The following ADSS2 variants were observed in gnomAD, a reference collection of about 807,000 sequenced individuals.
ADSS2 encodes the protein adenylosuccinate synthase 2.
A neutral mutation model predicts 60.0 loss-of-function variants in ADSS2; 30 were observed. The observed-to-expected ratio is 0.50, with a 90% CI of 0.37 to 0.68. The LOEUF is 0.68. Ranked by LOEUF, ADSS2 falls within the 30% of genes least tolerant of loss-of-function variation. The probability of loss-of-function intolerance (pLI) is 0.00; values close to 1 mark genes in which losing one functional copy is unlikely to be tolerated. For missense variants in ADSS2, 373 were observed against 554.8 expected (o/e 0.67, Z 3.29); for synonymous variants, 187 against 193.1 (o/e 0.97, Z 0.26).
At chr1:244,432,416 C>A in intron 4 of ADSS2, 129 bp downstream of exon 4, 1 of 633,128 alleles carries the variant, frequency 1.6e-6, no homozygotes, top group Non-Finnish European at 2.6e-6. Flanking sequence ...GTATTTAGAA[C>A]TCAATTACTA....
At chr1:244,435,194 A>AACAAAC (rs1553308064) in intron 3 of ADSS2, among the ~76,000 whole-genome samples, 46 of 127,906 alleles carry the variant, frequency 3.6e-4, no homozygotes, top group African/African-American at 1.4e-3. Flanking sequence ...AAAAAAAAAA[A>AACAAAC]AAACAAACCT....
chr1:244,417,770 G>A lies in ADSS2; in HGVS notation c.946-18C>T, dbSNP rs369390313. On this transcript the variant is annotated intron_variant, in intron 9 of 12. Transcript: ENST00000366535. The stretch of plus-strand genomic sequence containing the variant: ...CCAATTTCCTACAGAACAGAAAATT[G>A]AACTTTAGGATTAGAATAGCAGTGC... 6 of 1,610,392 alleles carry A rather than the reference G, an allele frequency of 3.7e-6. No individual in the cohort carries two copies. The East Asian group carries it at 1.3e-4, about 36-fold the overall frequency.
At chr1:244,414,269 C>T (rs1290885299) in intron 11 of ADSS2, among the ~76,000 whole-genome samples, 1 of 151,862 alleles carries the variant, frequency 6.6e-6, no homozygotes, top group East Asian at 1.9e-4. Context: ...AAGAGAAGCT[C>T]GAGATGGTCT....
chr1:244,429,992 A>C (rs1170737476), intron 4 of ADSS2, among the ~76,000 whole-genome samples: 1 of 152,082 alleles, frequency 6.6e-6, no homozygotes, highest in Non-Finnish European at 1.5e-5. Context: ...TTAAAGCATT[A>C]ACACACCCAT....
chr1:244,433,861 A>T (rs1371783388), intron 3 of ADSS2, among the ~76,000 whole-genome samples: 6 of 98,956 alleles, frequency 6.1e-5, no homozygotes, highest in South Asian at 3.4e-4. Context: ...TCCATCTTTA[A>T]AAAAAAAAAA....
chr1:244,433,973 C>G (rs1665018419), intron 3 of ADSS2, among the ~76,000 whole-genome samples: 2 of 151,764 alleles, frequency 1.3e-5, no homozygotes, highest in South Asian at 4.2e-4. Context: ...GTATATCTGT[C>G]CCCCCATTTA....
At chr1:244,425,578 C>T (rs969815266) in intron 4 of ADSS2, among the ~76,000 whole-genome samples, 2 of 152,132 alleles carry the variant, frequency 1.3e-5, no homozygotes, top group African/African-American at 2.4e-5. Flanking sequence ...CTCTGATTAA[C>T]CCTGCCCCTA....
At chr1:244,422,684 A>G (rs1461168091) in intron 7 of ADSS2, 151 bp downstream of exon 7, 1 of 592,658 alleles carries the variant, frequency 1.7e-6, no homozygotes, top group Admixed American at 3.0e-5. Flanking sequence ...TGTCTAAGCC[A>G]TATCATGTAA....
intron 11 of ADSS2, among the ~76,000 whole-genome samples, chr1:244,412,884 C>T (rs1195908800): frequency 6.6e-6 from 1 of 152,266 alleles, no homozygotes; most frequent in East Asian, 1.9e-4. Flanking sequence ...TTGTGGCATC[C>T]TGTTGCTTGA....
intron 9 of ADSS2, among the ~76,000 whole-genome samples, chr1:244,418,240 C>G (rs1664583325): frequency 6.6e-6 from 1 of 152,164 alleles, no homozygotes; most frequent in Non-Finnish European, 1.5e-5. Flanking sequence ...CTTGATTTGC[C>G]CCTTTCTGCT....
Position 244,424,036 on chromosome 1 carries a change from A to G in ADSS2, c.498T>C (p.Ile166=), listed in dbSNP as rs1322163939. Residue 166 remains isoleucine (I), a synonymous_variant, in exon 6 of 13, where the codon ATT becomes ATC. Transcript: ENST00000366535. Reference sequence around the variant, plus strand: ...CAGCTTTGGACGAATAAACTGGGCCAATGCCCTTTTTTGTTGTACCCAAAC... The same window carrying G: ...CAGCTTTGGACGAATAAACTGGGCCGATGCCCTTTTTTGTTGTACCCAAAC... The part of the protein sequence containing the change: ...GKNLGTTKKG[I]GPVYSSKAAR... 4 of 1,612,340 alleles carry G rather than the reference A, an allele frequency of 2.5e-6. No homozygotes were observed. The highest frequency in any genetic ancestry group is 1.7e-5 in the Admixed American group (1 of 59,478).
chr1:244,436,717 A>G, intron 3 of ADSS2, 108 bp downstream of exon 3: 1 of 921,692 alleles, frequency 1.1e-6, no homozygotes, highest in Non-Finnish European at 1.7e-6. Context: ...CGTCTATAAT[A>G]GCCCGAAATT....
At position 244,418,850 on chromosome 1, in the gene ADSS2, C is replaced by T; in HGVS notation, c.855G>A (p.Met285Ile). ...ACACTTCTCCAACATTTTGAGGTGG[C>T]ATACCCAAACCAGTACAAACACCTC... The part of the protein sequence containing the change: ...TVGGVCTGLG[M>I]PPQNVGEVYG... The change falls in exon 9 of 13, where the codon ATG becomes ATA. Residue 285 changes from methionine (M) to isoleucine (I), a missense_variant. Transcript: ENST00000366535. The T allele has an allele frequency of 6.2e-7, 1 of 1,613,856 alleles. No homozygotes were observed. The highest frequency in any genetic ancestry group is 8.5e-7 in the Non-Finnish European group (1 of 1,179,840).
At chr1:244,420,095 T>A (rs1664640856) in intron 8 of ADSS2, 75 bp downstream of exon 8, 1 of 1,440,476 alleles carries the variant, frequency 6.9e-7, no homozygotes, top group Admixed American at 2.1e-5. Flanking sequence ...TCCTTAATGC[T>A]AACATTAATT....
At chr1:244,450,152 TC>T (rs1239102564) in intron 1 of ADSS2, among the ~76,000 whole-genome samples, 7 of 152,286 alleles carry the variant, frequency 4.6e-5, no homozygotes, top group African/African-American at 1.7e-4. Context: ...GGATACGTCT[TC>T]CCCACAGCAT....
chr1:244,435,194 A>AAAAAAAAAAAAAAAAAC lies in ADSS2; in HGVS notation c.355+1630_355+1631insGTTTTTTTTTTTTTTTT, dbSNP rs1553308065. On this transcript the variant is annotated intron_variant, in intron 3 of 12. Coordinates refer to ENST00000366535, the MANE Select transcript of ADSS2 (RefSeq NM_001126.5). Reference sequence around the variant, plus strand: ...AAAAAAAAAAAAAAAAAAAAAAAAAAAAACAAACCTGAACATACTATAACA... The same window carrying AAAAAAAAAAAAAAAAAC: ...AAAAAAAAAAAAAAAAAAAAAAAAAAAAAAAAAAAAAAAAAACAAACAAACCTGAACATACTATAACA... Among the ~76,000 whole-genome samples, 39 of 127,898 alleles carry AAAAAAAAAAAAAAAAAC rather than the reference A, an allele frequency of 3.0e-4. 1 individual carries two copies. The highest frequency in any genetic ancestry group is 1.2e-3 in the African/African-American group (37 of 31,130). 83.9% of individuals were successfully genotyped at this position (127,898 alleles called of 152,430 possible).
intron 1 of ADSS2, among the ~76,000 whole-genome samples, chr1:244,439,426 C>A (rs12563663): frequency 0.38 from 57,444 of 151,926 alleles, 11,362 homozygotes; most frequent in Admixed American, 0.43. Flanking sequence ...TCCTTTCTGG[C>A]CCAGGGTATG....
chr1:244,434,369 C>T (rs144446561), intron 3 of ADSS2, among the ~76,000 whole-genome samples: 96 of 149,882 alleles, frequency 6.4e-4, no homozygotes, highest in Admixed American at 2.3e-3. Context: ...AAAAAAAAGA[C>T]GCTTGAATGA....
At chr1:244,416,129 T>G in intron 10 of ADSS2, 51 bp from the exon 11 acceptor site, 2 of 1,256,976 alleles carry the variant, frequency 1.6e-6, no homozygotes, top group Non-Finnish European at 2.3e-6. Context: ...TTAAAGCCTC[T>G]AATATCTAAT....
Sources: gnomAD v4.1 joint callset for allele counts (sites outside exome capture counted in the v4.1 genomes callset) on GRCh38, gnomAD v4.1.1 for gene constraint, MANE v1.5 for transcripts, NCBI Gene and HGNC (gene_info 2026-07-23, HGNC 2026-07-21) for gene names.